The following PLCG2 variants were observed in gnomAD, a reference collection of about 807,000 sequenced individuals.
The protein encoded by PLCG2 is phospholipase C gamma 2.
PLCG2 carries 69 observed loss-of-function variants against 175.6 expected under a neutral mutation model. The ratio of observed to expected loss-of-function variants is 0.39; its 90% CI spans 0.32 to 0.48. PLCG2 has a LOEUF of 0.48. Ranked by LOEUF, PLCG2 falls within the 20% of genes least tolerant of loss-of-function variation. The pLI is 0.91. For synonymous variants in PLCG2, 827 were observed against 624.0 expected (o/e 1.33, Z -4.85); for missense variants, 1,798 against 1,650.9 (o/e 1.09, Z -1.54).
upstream of PLCG2, among the ~76,000 whole-genome samples, chr16:81,778,956 C>T (rs1424593763): frequency 6.6e-6 from 1 of 152,152 alleles, no homozygotes; most frequent in Non-Finnish European, 1.5e-5. Flanking sequence ...CCCGGGCGCC[C>T]GGCCGGGAGT....
chr16:81,941,596 A>G (rs1173907971), intron 30 of PLCG2, among the ~76,000 whole-genome samples: 3 of 149,184 alleles, frequency 2.0e-5, no homozygotes, highest in Admixed American at 1.3e-4. Flanking sequence ...AGAAATGTTC[A>G]TTTTCATGAA....
intron 2 of PLCG2, among the ~76,000 whole-genome samples, chr16:81,845,318 G>GT (rs905136419): frequency 6.6e-6 from 1 of 151,898 alleles, no homozygotes; most frequent in Non-Finnish European, 1.5e-5. Flanking sequence ...CTACATCTTT[G>GT]TTTTTTTTCC....
At chr16:81,891,800 T>C (rs545719650) in intron 11 of PLCG2, among the ~76,000 whole-genome samples, 124 of 152,326 alleles carry the variant, frequency 8.1e-4, no homozygotes, top group African/African-American at 2.7e-3. Context: ...ATAATCTCTT[T>C]TCTGTGGCCC....
intron 8 of PLCG2, 71 bp from the exon 9 acceptor site, chr16:81,883,198 G>T: frequency 7.3e-7 from 1 of 1,376,446 alleles, no homozygotes; most frequent in East Asian, 2.3e-5. Flanking sequence ...TGCCCCATTG[G>T]CTGGCATCTC....
intron 2 of PLCG2, among the ~76,000 whole-genome samples, chr16:81,839,045 C>G (rs1011654307): frequency 1.3e-5 from 2 of 152,152 alleles, no homozygotes; most frequent in Admixed American, 1.3e-4. Flanking sequence ...TTGCTTCCAG[C>G]AGACAACTAT....
Position 81,914,292 on chromosome 16 carries a change from G to A in PLCG2, c.2054+1576G>A, listed in dbSNP as rs180812584. Among the ~76,000 whole-genome samples, 8 of 152,342 alleles carry A rather than the reference G, an allele frequency of 5.3e-5. No individual in the cohort carries two copies. In the East Asian group the frequency reaches 1.5e-3, roughly 29 times the overall value. Reference sequence around the variant, plus strand: ...CCTGATGATGGTCAGGATGCCACCTGTATGTGCATGCTGGCGTTACTCTCC... The same window carrying A: ...CCTGATGATGGTCAGGATGCCACCTATATGTGCATGCTGGCGTTACTCTCC... On this transcript the variant is annotated intron_variant, in intron 19 of 32. Coordinates refer to ENST00000564138, the MANE Select transcript of PLCG2 (RefSeq NM_002661.5).
chr16:81,779,850 T>TGGTTGCG (rs1247653608), intron 1 of PLCG2, among the ~76,000 whole-genome samples: 1 of 152,112 alleles, frequency 6.6e-6, no homozygotes, highest in Non-Finnish European at 1.5e-5. Flanking sequence ...CTCACTTCGG[T>TGGTTGCG]GGTTGCGGGT....
At chr16:81,863,120 C>T (rs775931653) in intron 5 of PLCG2, among the ~76,000 whole-genome samples, 1 of 152,168 alleles carries the variant, frequency 6.6e-6, no homozygotes, top group Non-Finnish European at 1.5e-5. Flanking sequence ...ATCATGTTGT[C>T]ATGCTCCCGT....
At chr16:81,895,617 G>A (rs1417672271) in intron 12 of PLCG2, 190 bp from the exon 13 acceptor site, 3 of 572,990 alleles carry the variant, frequency 5.2e-6, no homozygotes, top group Non-Finnish European at 9.3e-6. Context: ...TTGGACAGCT[G>A]CACTTGCATT....
chr16:81,907,927 TGGCTGGCTTGTCTCTGATTGGC>T, intron 16 of PLCG2, among the ~76,000 whole-genome samples, 153 bp downstream of exon 16: 1 of 121,392 alleles, frequency 8.2e-6, no homozygotes, highest in South Asian at 2.2e-4. Context: ...TACCATGTCC[TGGCTGGCTTGTCTCTGATTGGC>T]TGGCTGCCCC....
intron 5 of PLCG2, among the ~76,000 whole-genome samples, chr16:81,865,824 G>A (rs568016899): frequency 9.3e-4 from 129 of 138,130 alleles, no homozygotes; most frequent in African/African-American, 3.5e-3. Flanking sequence ...ATGAGAGGAC[G>A]CTGGCCTCTC....
upstream of PLCG2, among the ~76,000 whole-genome samples, chr16:81,775,951 G>T (rs1910389597): frequency 6.6e-6 from 1 of 151,734 alleles, no homozygotes; most frequent in African/African-American, 2.4e-5. Context: ...TCTGACACCA[G>T]ACAGGCTGAG....
chr16:81,893,961 C>CTTT (rs74264894), intron 12 of PLCG2, among the ~76,000 whole-genome samples, 167 bp downstream of exon 12: 4 of 134,584 alleles, frequency 3.0e-5, no homozygotes, highest in African/African-American at 8.4e-5. Flanking sequence ...TTTTTTCTTT[C>CTTT]TTTTTTTTTT....
At chr16:81,872,736 G>T (rs1409414199) in intron 7 of PLCG2, among the ~76,000 whole-genome samples, 1 of 152,218 alleles carries the variant, frequency 6.6e-6, no homozygotes, top group Non-Finnish European at 1.5e-5. Context: ...CTTGGAGTCA[G>T]GTGGCTGTGG....
chr16:81,798,665 C>G (rs2143233347), intron 2 of PLCG2: 1 of 152,436 alleles, frequency 6.6e-6, no homozygotes, highest in South Asian at 2.1e-4. Flanking sequence ...GGTGAAGTAT[C>G]TGTGTGTGTG....
intron 30 of PLCG2, among the ~76,000 whole-genome samples, chr16:81,942,600 G>GTGTT (rs955158233): frequency 6.6e-6 from 1 of 152,152 alleles, no homozygotes; most frequent in Non-Finnish European, 1.5e-5. Context: ...AGCCTTTATT[G>GTGTT]TGTTAGGTAC....
chr16:81,905,556 C>A, intron 15 of PLCG2, 49 bp downstream of exon 15: 1 of 1,234,730 alleles, frequency 8.1e-7, no homozygotes, highest in Non-Finnish European at 1.2e-6. Flanking sequence ...CCCCTTGCAG[C>A]TGCTTCTTGG....
intron 8 of PLCG2, 75 bp from the exon 9 acceptor site, chr16:81,883,194 A>G: frequency 1.5e-6 from 2 of 1,342,024 alleles, no homozygotes. Flanking sequence ...AGGCTGCCCC[A>G]TTGGCTGGCA....
In PLCG2 at chr16:81,883,359, G is replaced by T; in HGVS notation, c.765+18G>T. The T allele has an allele frequency of 1.2e-6, 2 of 1,607,256 alleles. No homozygotes were observed. The highest frequency in any genetic ancestry group is 1.7e-6 in the Non-Finnish European group (2 of 1,174,134). ...AACAGCAGGTGAGAGCACAAGGTGT[G>T]TGGGTGCCTGAGGGAGCTGGCGGGA... On this transcript the variant is annotated intron_variant, in intron 9 of 32. Coordinates refer to ENST00000564138, the MANE Select transcript of PLCG2 (RefSeq NM_002661.5).
Sources: allele counts gnomAD v4.1 joint callset (sites outside exome capture counted in the v4.1 genomes callset), GRCh38; gene constraint gnomAD v4.1.1; transcripts MANE v1.5; gene names NCBI Gene and HGNC (gene_info 2026-07-23, HGNC 2026-07-21).